The following TMEM217B variants were observed in gnomAD, a reference collection of about 807,000 sequenced individuals.
The protein encoded by TMEM217B is transmembrane protein 217B.
chr6:37,223,459 AAAAC>A, the TMEM217B span, among the ~76,000 whole-genome samples: 2 of 152,244 alleles, frequency 1.3e-5, no homozygotes, highest in African/African-American at 2.4e-5. Context: ...TACACAAAGC[AAAAC>A]AAACAAATAG....
chr6:37,237,384 C>G, the TMEM217B span, among the ~76,000 whole-genome samples: 1 of 152,204 alleles, frequency 6.6e-6, no homozygotes, highest in Non-Finnish European at 1.5e-5. Context: ...AAGACCCCAT[C>G]AAGTCAAAAT....
chr6:37,226,549 G>A, the TMEM217B span, among the ~76,000 whole-genome samples: 9 of 150,574 alleles, frequency 6.0e-5, no homozygotes, highest in Admixed American at 5.3e-4. Flanking sequence ...CGCCCGCCTC[G>A]GCCACCCAAA....
the TMEM217B span, chr6:37,213,060 C>A: frequency 4.3e-5 from 47 of 1,081,286 alleles, no homozygotes; most frequent in South Asian, 4.9e-4. Flanking sequence ...ACAAATCCCC[C>A]AAGTCACTAG....
At chr6:37,258,103 G>A in the TMEM217B span, 4 of 1,035,172 alleles carry the variant, frequency 3.9e-6, no homozygotes, top group Non-Finnish European at 5.5e-6. Context: ...ACTGCCTGGT[G>A]GCGGCAGGGC....
At chr6:37,213,703 T>A in the TMEM217B span, among the ~76,000 whole-genome samples, 1 of 152,234 alleles carries the variant, frequency 6.6e-6, no homozygotes, top group Non-Finnish European at 1.5e-5. Context: ...AGCAGGAACC[T>A]GGTGCCCGAG....
At chr6:37,247,389 CTTTT>C in the TMEM217B span, among the ~76,000 whole-genome samples, 6 of 127,778 alleles carry the variant, frequency 4.7e-5, no homozygotes, top group Admixed American at 2.4e-4. Flanking sequence ...AACTTTTTTA[CTTTT>C]TTTTTTTTTT....
the TMEM217B span, chr6:37,218,873 C>A: frequency 6.2e-7 from 1 of 1,614,170 alleles, no homozygotes; most frequent in Non-Finnish European, 8.5e-7. Context: ...TATGATGTTA[C>A]TTGCACCCCT....
chr6:37,223,264 CCTAA>C, the TMEM217B span, among the ~76,000 whole-genome samples: 12 of 151,520 alleles, frequency 7.9e-5, no homozygotes, highest in South Asian at 2.1e-4. Context: ...ATTCAAGAAA[CCTAA>C]CTGATTGCTA....
the TMEM217B span, among the ~76,000 whole-genome samples, chr6:37,236,867 C>T: frequency 1.3e-5 from 2 of 152,128 alleles, no homozygotes; most frequent in African/African-American, 4.8e-5. Context: ...TGTAGCCTCT[C>T]CTAGAAGACT....
At chr6:37,230,317 C>G in the TMEM217B span, among the ~76,000 whole-genome samples, 2 of 152,218 alleles carry the variant, frequency 1.3e-5, no homozygotes, top group Admixed American at 6.5e-5. Flanking sequence ...TGCAAAGTCC[C>G]TTTTGCGTAC....
At chr6:37,234,593 A>G in the TMEM217B span, among the ~76,000 whole-genome samples, 6 of 152,038 alleles carry the variant, frequency 3.9e-5, no homozygotes, top group Admixed American at 2.0e-4. Flanking sequence ...ACATCTGGCC[A>G]GATGTGGTGG....
chr6:37,257,206 C>A, the TMEM217B span, among the ~76,000 whole-genome samples: 3 of 152,228 alleles, frequency 2.0e-5, no homozygotes, highest in South Asian at 4.2e-4. Flanking sequence ...ATTTTTAACC[C>A]ACAGCACAAG....
At chr6:37,220,712 C>T in the TMEM217B span, among the ~76,000 whole-genome samples, 2 of 152,028 alleles carry the variant, frequency 1.3e-5, no homozygotes, top group Non-Finnish European at 1.5e-5. Flanking sequence ...GGTCTTCATC[C>T]TCTAAGAATC....
the TMEM217B span, chr6:37,218,528 C>A: frequency 6.2e-7 from 1 of 1,614,038 alleles, no homozygotes; most frequent in East Asian, 2.2e-5. Context: ...TGTAGAAATT[C>A]GTCTCTTGTA....
chr6:37,225,216 A>T, the TMEM217B span, among the ~76,000 whole-genome samples: 1 of 152,056 alleles, frequency 6.6e-6, no homozygotes, highest in East Asian at 1.9e-4. Context: ...AGAAAAAAAA[A>T]TTACCAAAAG....
At chr6:37,220,863 G>A in the TMEM217B span, among the ~76,000 whole-genome samples, 1 of 151,922 alleles carries the variant, frequency 6.6e-6, no homozygotes, top group East Asian at 1.9e-4. Flanking sequence ...AAACAACTAT[G>A]ATTACTATAT....
At chr6:37,222,697 C>A in the TMEM217B span, among the ~76,000 whole-genome samples, 1 of 152,236 alleles carries the variant, frequency 6.6e-6, no homozygotes, top group Non-Finnish European at 1.5e-5. Context: ...ACAGTTTGGG[C>A]AGCTGCAGCC....
At chr6:37,229,813 A>T in the TMEM217B span, among the ~76,000 whole-genome samples, 6 of 152,134 alleles carry the variant, frequency 3.9e-5, no homozygotes, top group Admixed American at 3.9e-4. Flanking sequence ...CCACAAACTG[A>T]GTGGTTACAA....
At chr6:37,245,482 T>G in the TMEM217B span, among the ~76,000 whole-genome samples, 1 of 152,252 alleles carries the variant, frequency 6.6e-6, no homozygotes, top group Non-Finnish European at 1.5e-5. Context: ...GTGCATTTTA[T>G]TAGCAGAGCC....
Sources: gnomAD v4.1 joint callset for allele counts (sites outside exome capture counted in the v4.1 genomes callset) on GRCh38, gnomAD v4.1.1 for gene constraint, MANE v1.5 for transcripts, NCBI Gene and HGNC (gene_info 2026-07-23, HGNC 2026-07-21) for gene names.